The following SLC38A9 variants were observed in gnomAD, a reference collection of about 807,000 sequenced individuals.
The protein encoded by SLC38A9 is neutral amino acid transporter 9.
Under a neutral mutation model 62.3 loss-of-function variants are expected in SLC38A9, and 48 were observed. The ratio of observed to expected loss-of-function variants is 0.77; its 90% CI spans 0.61 to 0.98. SLC38A9 has a LOEUF of 0.98. SLC38A9 is among the 50% of genes least tolerant of loss of function. SLC38A9 has a pLI of 0.00. For synonymous variants in SLC38A9, 204 were observed against 227.7 expected, an observed-to-expected ratio of 0.90 and a Z score of 0.94; for missense variants, 541 against 679.8, an observed-to-expected ratio of 0.80 and a Z score of 2.27.
At chr5:55,647,329 G>T (rs1029927022) in intron 11 of SLC38A9, among the ~76,000 whole-genome samples, 4 of 151,500 alleles carry the variant, frequency 2.6e-5, no homozygotes, top group Admixed American at 2.6e-4. Context: ...CTAATAGAAA[G>T]AAAAAAAATG....
chr5:55,704,315 G>T (rs1348072301), intron 2 of SLC38A9: 1 of 152,148 alleles, frequency 6.6e-6, no homozygotes, highest in Non-Finnish European at 1.5e-5. Flanking sequence ...GATTTTTAAA[G>T]CATTACCTCA....
chr5:55,627,711 A>C (rs933960269), intron 15 of SLC38A9, among the ~76,000 whole-genome samples, 180 bp downstream of exon 15: 1 of 152,156 alleles, frequency 6.6e-6, no homozygotes, highest in African/African-American at 2.4e-5. Context: ...CCACCAGAAC[A>C]AACAGAAAGG....
intron 3 of SLC38A9, among the ~76,000 whole-genome samples, chr5:55,684,499 A>G (rs1420913232): frequency 6.6e-6 from 1 of 152,108 alleles, no homozygotes; most frequent in African/African-American, 2.4e-5. Context: ...AGGCCATTCT[A>G]TTTCAAATTC....
Position 55,669,341 on chromosome 5 carries a change from T to A in SLC38A9, c.433-20A>T, listed in dbSNP as rs1352713501. 1 of 1,565,924 alleles carries A rather than the reference T, an allele frequency of 6.4e-7. No homozygotes were observed. The highest frequency in any genetic ancestry group is 1.1e-5 in the South Asian group (1 of 88,560). On this transcript the variant is annotated intron_variant, in intron 6 of 15. Transcript: ENST00000396865. ...TCCAGCCTGTTTAAAAATAAAAGTATAAAACAGCATATATCATCATGTAAG... is the reference window on the plus strand; with the variant it reads ...TCCAGCCTGTTTAAAAATAAAAGTAAAAAACAGCATATATCATCATGTAAG...
In SLC38A9 at chr5:55,711,725, A is replaced by C. The variant is rs527436437; in HGVS notation, c.-82-226T>G. ...CATGTTCCCCCTCTAGATGTCCCCA[A>C]CTCGGGATGGAGAAAGGTGCTCCCA... is the stretch of plus-strand genomic sequence containing the variant. On this transcript the variant is annotated intron_variant, in intron 1 of 15. Transcript: ENST00000396865. 2.0e-5 allele frequency among the ~76,000 whole-genome samples: 3 copies of C among 151,996 alleles called. No individual in the cohort carries two copies. In the South Asian group the frequency reaches 6.2e-4, roughly 32 times the overall value.
At position 55,672,836 on chromosome 5, in the gene SLC38A9, C is replaced by T; in HGVS notation, c.114-141G>A. 4 of 739,904 alleles carry T rather than the reference C, an allele frequency of 5.4e-6. No homozygotes were observed. In the South Asian group the frequency reaches 8.3e-5, roughly 15 times the overall value. 45.8% of individuals were successfully genotyped at this position (739,904 alleles called of 1,614,324 possible). ...ATTGACTTCTCACTTTTGGTGCAAA[C>T]AGAAAATGTTACAAAAGAAGTATTA... On this transcript the variant is annotated intron_variant, in intron 3 of 15. Transcript: ENST00000396865.
chr5:55,697,948 A>G lies in SLC38A9; in HGVS notation c.11T>C (p.Met4Thr). 1.3e-6 allele frequency: 2 copies of G among 1,588,072 alleles called. No individual in the cohort carries two copies. The highest frequency in any genetic ancestry group is 1.7e-6 in the Non-Finnish European group (2 of 1,165,860). MAN[M>T]NSDSRHLGTS... is the part of the protein sequence containing the mutation. ...GCCAAGATGCCTAGAATCACTATTC[A>G]TATTTGCCATTTTTCTCACACTCTA... Residue 4 changes from methionine (M) to threonine (T), a missense_variant, in exon 3 of 16, where the codon ATG becomes ACG. Met to Thr is a moderately conservative substitution (Grantham distance 81). Transcript: ENST00000396865.
intron 3 of SLC38A9, among the ~76,000 whole-genome samples, chr5:55,684,218 G>T (rs1176271026): frequency 1.3e-5 from 2 of 152,036 alleles, no homozygotes; most frequent in Admixed American, 1.3e-4. Flanking sequence ...CCATTATCTG[G>T]ATCACCTGTA....
chr5:55,635,182 A>G (rs1580084855), intron 13 of SLC38A9: 2 of 220,556 alleles, frequency 9.1e-6, no homozygotes, highest in Non-Finnish European at 9.1e-6. Flanking sequence ...CCTTCAATGT[A>G]TTCTCTGTGG....
intron 3 of SLC38A9, among the ~76,000 whole-genome samples, chr5:55,673,708 T>C (rs1254608536): frequency 2.5e-5 from 3 of 120,316 alleles, no homozygotes; most frequent in Non-Finnish European, 5.3e-5. Context: ...GTTAATCTAA[T>C]CTTTTTTTTT....
At chr5:55,710,067 C>CAAAAAAAAAA (rs1174162436) in intron 2 of SLC38A9, among the ~76,000 whole-genome samples, 4 of 20,870 alleles carry the variant, frequency 1.9e-4, no homozygotes, top group African/African-American at 3.8e-4. Flanking sequence ...GACTCCATCT[C>CAAAAAAAAAA]AAAAAAAAAA....
At chr5:55,682,782 G>A (rs796695073) in intron 3 of SLC38A9, among the ~76,000 whole-genome samples, 15 of 152,262 alleles carry the variant, frequency 9.9e-5, no homozygotes, top group African/African-American at 3.4e-4. Context: ...ACAGACGTGT[G>A]TGTGTTTATA....
chr5:55,691,348 G>T, intron 3 of SLC38A9: 5 of 1,428,250 alleles, frequency 3.5e-6, no homozygotes, highest in Non-Finnish European at 4.6e-6. Context: ...GAAAAATATG[G>T]TTTACAAAGA....
intron 3 of SLC38A9, among the ~76,000 whole-genome samples, chr5:55,689,138 T>C (rs891510252): frequency 6.6e-6 from 1 of 152,210 alleles, no homozygotes; most frequent in African/African-American, 2.4e-5. Flanking sequence ...AACTATAAAC[T>C]ACTGAAGTAG....
intron 1 of SLC38A9, 95 bp from the exon 2 acceptor site, chr5:55,711,594 C>T (rs1258973723): frequency 6.6e-6 from 1 of 152,216 alleles, no homozygotes; most frequent in Non-Finnish European, 1.5e-5. Context: ...TATCAACACA[C>T]TCACTCTCAC....
rs1299546737 is a variant in SLC38A9 at position 55,669,826 on chromosome 5, T to C, written c.300A>G (p.Pro100=). Residue 100 remains proline (P), a synonymous_variant, in exon 5 of 16, where the codon CCA becomes CCG. Transcript: ENST00000396865. ...TTTGAAGTTTATAAGCAGAGCCCAA[T>C]GGACTATACACATAGCACTCTTCTG... The part of the protein sequence containing the change: ...PAPEECYVYS[P]LGSAYKLQSY... 6.2e-7 allele frequency: 1 copy of C among 1,613,668 alleles called. No individual in the cohort carries two copies. The highest frequency in any genetic ancestry group is 1.7e-5 in the Admixed American group (1 of 59,958).
intron 2 of SLC38A9, among the ~76,000 whole-genome samples, chr5:55,710,157 G>C (rs773495908): frequency 1.9e-4 from 29 of 149,864 alleles, no homozygotes; most frequent in Admixed American, 6.6e-4. Flanking sequence ...GGAAGGAAAG[G>C]TAAATTTTAT....
intron 3 of SLC38A9, chr5:55,696,854 C>T (rs1441780212): frequency 4.4e-5 from 7 of 159,448 alleles, no homozygotes; most frequent in Non-Finnish European, 9.3e-5. Flanking sequence ...ACGGGGCGGC[C>T]GGGCAGAGAC....
At chr5:55,647,980 C>A (rs1746694112) in intron 11 of SLC38A9, among the ~76,000 whole-genome samples, 1 of 152,176 alleles carries the variant, frequency 6.6e-6, no homozygotes, top group South Asian at 2.1e-4. Flanking sequence ...TGGCTCACAC[C>A]TGTAATCCCA....
Sources: allele counts gnomAD v4.1 joint callset (sites outside exome capture counted in the v4.1 genomes callset), GRCh38; gene constraint gnomAD v4.1.1; transcripts MANE v1.5; gene names NCBI Gene and HGNC (gene_info 2026-07-23, HGNC 2026-07-21).